Variants in SHISA9 observed in about 807,000 individuals in gnomAD.
SHISA9 encodes the protein shisa family member 9, also known as protein shisa-9.
In SHISA9, 13 loss-of-function variants were observed where a neutral mutation model predicts 38.0. The observed-to-expected ratio is 0.34, with a 90% CI of 0.22 to 0.54. The LOEUF is 0.54. SHISA9 is among the 20% of genes least tolerant of loss of function. The pLI is 0.91. For missense variants in SHISA9, 538 were observed against 575.8 expected, an observed-to-expected ratio of 0.93 and a Z score of 0.67; for synonymous variants, 275 against 242.0, an observed-to-expected ratio of 1.14 and a Z score of -1.27.
chr16:13,407,701 C>G, the SHISA9 span, among the ~76,000 whole-genome samples: 2 of 152,080 alleles, frequency 1.3e-5, no homozygotes, highest in Non-Finnish European at 2.9e-5. Context: ...CATTTATCAA[C>G]AACTGCTTTA....
At position 13,004,806 on chromosome 16, in the gene SHISA9, C is replaced by T. The variant is rs138151394; in HGVS notation, c.691+87991C>T. Among the ~76,000 whole-genome samples, 1,510 of 151,708 alleles carry T rather than the reference C, an allele frequency of 1.0e-2. 5 individuals are homozygous for T. The highest frequency in any genetic ancestry group is 0.026 in the South Asian group (126 of 4,790). On this transcript the variant is annotated intron_variant, in intron 2 of 4. Coordinates refer to ENST00000558583, the MANE Select transcript of SHISA9 (RefSeq NM_001145204.3). ...AATTAGCTGAACGCGGTGGTGGGCA[C>T]CTGTAATCCCAGCTACTTGGGAGGC...
chr16:12,912,292 C>A (rs2071195184), intron 1 of SHISA9, among the ~76,000 whole-genome samples: 1 of 152,128 alleles, frequency 6.6e-6, no homozygotes, highest in Non-Finnish European at 1.5e-5. Flanking sequence ...GGAAAAGTGT[C>A]CTTGGACTTT....
chr16:13,529,690 A>G, the SHISA9 span, among the ~76,000 whole-genome samples: 1 of 152,178 alleles, frequency 6.6e-6, no homozygotes, highest in Non-Finnish European at 1.5e-5. Flanking sequence ...TTCCACCAAC[A>G]GTTTCCTTCT....
At chr16:13,211,313 G>A (rs4781435) in intron 3 of SHISA9, among the ~76,000 whole-genome samples, 34,500 of 137,522 alleles carry the variant, frequency 0.25, 4,397 homozygotes, top group African/African-American at 0.38. Context: ...CTCAAGAAAA[G>A]AAAAAAAAAA....
At chr16:13,499,565 T>G in the SHISA9 span, among the ~76,000 whole-genome samples, 1 of 152,330 alleles carries the variant, frequency 6.6e-6, no homozygotes, top group African/African-American at 2.4e-5. Context: ...GATTCTTATC[T>G]TCTTCTTAAT....
intron 2 of SHISA9, among the ~76,000 whole-genome samples, chr16:13,086,329 T>C (rs188081098): frequency 5.0e-4 from 62 of 123,792 alleles, no homozygotes; most frequent in African/African-American, 2.0e-3. Flanking sequence ...CACTCCAGCC[T>C]GATGACAAAG....
chr16:12,957,774 C>T (rs1353251239), intron 2 of SHISA9, among the ~76,000 whole-genome samples: 1 of 152,098 alleles, frequency 6.6e-6, no homozygotes, highest in Non-Finnish European at 1.5e-5. Context: ...GGCTGGAAGT[C>T]CAAGATCAAG....
chr16:12,955,565 A>T (rs184105957), intron 2 of SHISA9, among the ~76,000 whole-genome samples: 195 of 152,158 alleles, frequency 1.3e-3, no homozygotes, highest in Non-Finnish European at 2.6e-3. Flanking sequence ...AGATACACAG[A>T]TCAATAGAAC....
intron 1 of SHISA9, chr16:12,910,023 A>G (rs976696698): frequency 5.9e-5 from 9 of 151,984 alleles, no homozygotes; most frequent in African/African-American, 2.2e-4. Flanking sequence ...TGCCAGGCTA[A>G]TTTTTGTATT....
intron 2 of SHISA9, among the ~76,000 whole-genome samples, chr16:12,926,591 C>T (rs1213897452): frequency 2.6e-5 from 4 of 152,116 alleles, no homozygotes; most frequent in Non-Finnish European, 5.9e-5. Context: ...CACGTAATTG[C>T]AAAGTAGCAT....
intron 2 of SHISA9, among the ~76,000 whole-genome samples, chr16:13,161,076 CTT>C (rs1358950164): frequency 1.3e-5 from 2 of 152,140 alleles, no homozygotes; most frequent in Non-Finnish European, 2.9e-5. Context: ...GAACCAAAGA[CTT>C]ATGTATTTCA....
intron 2 of SHISA9, among the ~76,000 whole-genome samples, chr16:12,929,865 C>T (rs1157332643): frequency 6.6e-5 from 10 of 152,278 alleles, no homozygotes; most frequent in South Asian, 6.2e-4. Flanking sequence ...GTTTTACATA[C>T]GCTCTTCCCT....
chr16:13,396,461 T>G, the SHISA9 span, among the ~76,000 whole-genome samples: 2 of 152,150 alleles, frequency 1.3e-5, no homozygotes, highest in African/African-American at 2.4e-5. Context: ...GAACTGAGAT[T>G]ATGCCATGGT....
At chr16:12,976,864 G>A (rs2072169495) in intron 2 of SHISA9, among the ~76,000 whole-genome samples, 1 of 152,266 alleles carries the variant, frequency 6.6e-6, no homozygotes, top group African/African-American at 2.4e-5. Flanking sequence ...AAATATTTGG[G>A]ACCTCAGAGA....
the SHISA9 span, among the ~76,000 whole-genome samples, chr16:13,292,384 T>C: frequency 1.3e-5 from 2 of 152,144 alleles, no homozygotes; most frequent in Non-Finnish European, 2.9e-5. Context: ...TCTCTCTTTA[T>C]TCCTACCTCA....
At chr16:13,111,516 C>A (rs2073978043) in intron 2 of SHISA9, among the ~76,000 whole-genome samples, 1 of 152,056 alleles carries the variant, frequency 6.6e-6, no homozygotes, top group Non-Finnish European at 1.5e-5. Context: ...GAAAACACCT[C>A]CCTGTTTTGA....
the SHISA9 span, among the ~76,000 whole-genome samples, chr16:13,260,033 T>TTTTC: frequency 8.8e-5 from 12 of 136,652 alleles, no homozygotes; most frequent in African/African-American, 3.2e-4. Context: ...TTTTTTTTTT[T>TTTTC]TGAGACAGGG....
At chr16:13,363,418 A>G in the SHISA9 span, among the ~76,000 whole-genome samples, 3 of 152,228 alleles carry the variant, frequency 2.0e-5, no homozygotes, top group African/African-American at 7.2e-5. Context: ...TTAAAGCATG[A>G]ATGATGGAAG....
At chr16:13,050,277 T>C (rs1249943974) in intron 2 of SHISA9, among the ~76,000 whole-genome samples, 1 of 152,200 alleles carries the variant, frequency 6.6e-6, no homozygotes, top group Non-Finnish European at 1.5e-5. Context: ...GAAGATATTA[T>C]GGATAAATTA....
Sources: allele counts gnomAD v4.1 joint callset (sites outside exome capture counted in the v4.1 genomes callset), GRCh38; gene constraint gnomAD v4.1.1; transcripts MANE v1.5; gene names NCBI Gene and HGNC (gene_info 2026-07-23, HGNC 2026-07-21).